HS3ST4: variants seen among roughly 807,000 people sequenced by gnomAD.
HS3ST4 encodes heparan sulfate-glucosamine 3-sulfotransferase 4, also known as heparan sulfate glucosamine 3-O-sulfotransferase 4.
A neutral mutation model predicts 29.2 loss-of-function variants in HS3ST4; 17 were observed. The observed-to-expected ratio is 0.58, with a 90% CI of 0.40 to 0.87. The LOEUF (loss-of-function observed/expected upper bound fraction) is 0.87. Among genes scored for constraint, HS3ST4 ranks in the 40% least tolerant of loss-of-function variants. HS3ST4 has a pLI of 0.00. For synonymous variants in HS3ST4, 314 were observed against 285.7 expected (o/e 1.10, Z -1.00); for missense variants, 627 against 634.5 (o/e 0.99, Z 0.13).
At chr16:26,115,058 C>T (rs1290509986) in intron 1 of HS3ST4, among the ~76,000 whole-genome samples, 1 of 151,956 alleles carries the variant, frequency 6.6e-6, no homozygotes, top group Non-Finnish European at 1.5e-5. Context: ...TGATATGTAC[C>T]CTGATATGCA....
chr16:25,857,950 T>G (rs1348550724), intron 1 of HS3ST4, among the ~76,000 whole-genome samples: 1 of 55,320 alleles, frequency 1.8e-5, no homozygotes, highest in African/African-American at 1.0e-4. Flanking sequence ...CTTTCTTTCT[T>G]TCTTTCTTTC....
chr16:25,817,022 AG>A (rs1393742522), intron 1 of HS3ST4, among the ~76,000 whole-genome samples: 3 of 152,226 alleles, frequency 2.0e-5, no homozygotes, highest in African/African-American at 7.2e-5. Flanking sequence ...ATTGGGAATT[AG>A]ATTTCAACAT....
intron 1 of HS3ST4, among the ~76,000 whole-genome samples, chr16:26,103,985 C>T (rs1386807325): frequency 1.3e-5 from 2 of 152,180 alleles, no homozygotes; most frequent in South Asian, 2.1e-4. Flanking sequence ...TGCTCTTAAA[C>T]GTATTGCCTA....
At chr16:25,776,114 C>T (rs1482286979) in intron 1 of HS3ST4, among the ~76,000 whole-genome samples, 1 of 152,142 alleles carries the variant, frequency 6.6e-6, no homozygotes, top group Non-Finnish European at 1.5e-5. Context: ...CTCCTCTTGA[C>T]TCCTGTACCT....
rs1438162920 is a variant in HS3ST4, at chr16:25,692,301, GGGCAGCGGCGGCGGC to G, written c.-113_-99del. The G allele has an allele frequency of 8.3e-5, 12 of 144,064 alleles. No homozygotes were observed. The highest frequency in any genetic ancestry group is 2.0e-4 in the South Asian group (1 of 5,104). The allele number at this position is 144,064 out of a possible 1,614,324, so 8.9% of individuals were successfully genotyped here. A position where few individuals can be genotyped will look rare whatever the true frequency, so the allele number is the denominator to read the frequency against. On this transcript the variant is annotated 5_prime_UTR_variant, in exon 1 of 2. Coordinates refer to ENST00000331351, the MANE Select transcript of HS3ST4 (RefSeq NM_006040.3). The stretch of plus-strand genomic sequence containing the variant: ...GTCGCTTCATGCAGCCGGGGCGGCT[GGGCAGCGGCGGCGGC>G]GGCGGCGGCGGCGGCGGCGGCGGGG...
At chr16:26,085,141 C>T (rs1040476288) in intron 1 of HS3ST4, among the ~76,000 whole-genome samples, 47 of 152,142 alleles carry the variant, frequency 3.1e-4, no homozygotes, top group African/African-American at 1.1e-3. Flanking sequence ...GAGAGCTCAG[C>T]CTGGTGAAAT....
In HS3ST4 at chr16:25,808,256, T is replaced by G. The variant is rs184450494; in HGVS notation, c.734+115105T>G. Among the ~76,000 whole-genome samples, 250 of 152,346 alleles carry G rather than the reference T, an allele frequency of 1.6e-3. 2 individuals carry two copies. The highest frequency in any genetic ancestry group is 5.7e-3 in the African/African-American group (236 of 41,586). ...TTTTTATTCTAAAAGTGTTATAATT[T>G]TATGTTTTACATTTAAGTGCACAAT... On this transcript the variant is annotated intron_variant, in intron 1 of 1. Transcript: ENST00000331351.
intron 1 of HS3ST4, among the ~76,000 whole-genome samples, chr16:26,069,516 T>C (rs1341778704): frequency 6.6e-6 from 1 of 152,050 alleles, no homozygotes; most frequent in Non-Finnish European, 1.5e-5. Context: ...GTAATCGCGG[T>C]TGATGCCTTC....
intron 1 of HS3ST4, among the ~76,000 whole-genome samples, chr16:25,819,074 G>C (rs1035864650): frequency 1.3e-5 from 2 of 152,110 alleles, no homozygotes; most frequent in African/African-American, 4.8e-5. Flanking sequence ...TTACCCCGGG[G>C]TCACCCAATT....
intron 1 of HS3ST4, among the ~76,000 whole-genome samples, chr16:25,721,436 C>G (rs12932058): frequency 0.75 from 114,200 of 151,910 alleles, 43,714 homozygotes; most frequent in East Asian, 0.87. Context: ...ATGGCACATG[C>G]CTGCATAATA....
At chr16:25,796,566 A>C (rs1966887299) in intron 1 of HS3ST4, among the ~76,000 whole-genome samples, 1 of 152,212 alleles carries the variant, frequency 6.6e-6, no homozygotes. Flanking sequence ...AAAAAATTGT[A>C]AATGACATTT....
chr16:26,001,225 TATATAA>T (rs1308268853), intron 1 of HS3ST4, among the ~76,000 whole-genome samples: 1 of 152,188 alleles, frequency 6.6e-6, no homozygotes, highest in Admixed American at 6.5e-5. Flanking sequence ...CTACTGTGGT[TATATAA>T]AAGCATCTCA....
intron 1 of HS3ST4, among the ~76,000 whole-genome samples, chr16:25,883,483 A>G (rs1177234936): frequency 6.6e-6 from 1 of 152,166 alleles, no homozygotes; most frequent in Non-Finnish European, 1.5e-5. Flanking sequence ...TAAATAAATA[A>G]ACTACATCAG....
chr16:25,952,425 A>C (rs559584241), intron 1 of HS3ST4, among the ~76,000 whole-genome samples: 2 of 152,318 alleles, frequency 1.3e-5, no homozygotes, highest in South Asian at 2.1e-4. Flanking sequence ...ACAGGTAGGC[A>C]ACTCCATCAG....
intron 1 of HS3ST4, among the ~76,000 whole-genome samples, chr16:25,731,017 G>T (rs1254357269): frequency 6.6e-6 from 1 of 152,188 alleles, no homozygotes; most frequent in Non-Finnish European, 1.5e-5. Flanking sequence ...GCTTCCAGGT[G>T]CCCTCCCCCA....
At chr16:25,725,143 C>A (rs1266983116) in intron 1 of HS3ST4, among the ~76,000 whole-genome samples, 4 of 151,078 alleles carry the variant, frequency 2.6e-5, no homozygotes, top group Non-Finnish European at 5.9e-5. Context: ...TCATAGGCAC[C>A]CTTTTCCAGA....
intron 1 of HS3ST4, among the ~76,000 whole-genome samples, chr16:25,889,649 C>T (rs555160233): frequency 7.2e-5 from 11 of 152,236 alleles, no homozygotes; most frequent in East Asian, 3.9e-4. Context: ...CAAGGACCCA[C>T]GCTGTTTTCG....
chr16:25,828,242 C>CTGTCTGTCTTTCTT (rs1371928058), intron 1 of HS3ST4, among the ~76,000 whole-genome samples: 10 of 75,014 alleles, frequency 1.3e-4, no homozygotes, highest in African/African-American at 3.5e-4. Flanking sequence ...TTCTTTCTTT[C>CTGTCTGTCTTTCTT]TCTTTCTTTC....
At chr16:26,120,534 A>C (rs77380100) in intron 1 of HS3ST4, among the ~76,000 whole-genome samples, 3,797 of 152,306 alleles carry the variant, frequency 0.025, 155 homozygotes, top group African/African-American at 0.084. Flanking sequence ...AGAAAGCACA[A>C]GTTCCCTTCA....
Sources: allele counts gnomAD v4.1 joint callset (sites outside exome capture counted in the v4.1 genomes callset), GRCh38; gene constraint gnomAD v4.1.1; transcripts MANE v1.5; gene names NCBI Gene and HGNC (gene_info 2026-07-23, HGNC 2026-07-21).